Variants in CACNA1B observed in about 807,000 individuals in gnomAD.
CACNA1B encodes voltage-dependent N-type calcium channel subunit alpha-1B.
CACNA1B carries 70 observed loss-of-function variants against 247.2 expected under a neutral mutation model. That is an observed-to-expected ratio of 0.28 (90% CI 0.23 to 0.35). The LOEUF (loss-of-function observed/expected upper bound fraction) is 0.35. Among genes scored for constraint, CACNA1B ranks in the 10% least tolerant of loss-of-function variants. The probability of loss-of-function intolerance (pLI) is 1.00; values close to 1 mark genes in which losing one functional copy is unlikely to be tolerated. For missense variants in CACNA1B, 2,367 were observed against 3,197.4 expected (o/e 0.74, Z 6.26); for synonymous variants, 1,231 against 1,294.4 (o/e 0.95, Z 1.05).
At chr9:137,972,035 G>A (rs1958158003) in intron 11 of CACNA1B, among the ~76,000 whole-genome samples, 2 of 152,156 alleles carry the variant, frequency 1.3e-5, no homozygotes, top group Non-Finnish European at 2.9e-5. Context: ...CCTGAGGGGG[G>A]AGTCCTGGCT....
chr9:137,955,719 G>A lies in CACNA1B; in HGVS notation c.1092G>A (p.Glu364=), dbSNP rs201405274. 1.9e-6 allele frequency: 3 copies of A among 1,612,600 alleles called. No homozygotes were observed. Among genetic ancestry groups the A allele is most frequent in the Non-Finnish European group, 2.5e-6 (3 of 1,179,376 alleles). The change falls in exon 8 of 47, where the codon GAG becomes GAA. Residue 364 remains glutamate, a synonymous_variant. Transcript: ENST00000371372. This position sits in a 1 kb window ranked among gnomAD's most constrained non-coding sequence, Gnocchi z 6.9. Reference sequence around the variant, plus strand: ...GTAGGGAGTTTGCCAAGGAGCGAGAGAGGGTGGAGAACCGCCGCGCCTTCC... The same window carrying A: ...GTAGGGAGTTTGCCAAGGAGCGAGAAAGGGTGGAGAACCGCCGCGCCTTCC... ...VLSGEFAKER[E]RVENRRAFLK...
chr9:138,046,147 C>T (rs1292524174), intron 21 of CACNA1B, among the ~76,000 whole-genome samples: 1 of 152,196 alleles, frequency 6.6e-6, no homozygotes, highest in Admixed American at 6.5e-5. Context: ...TCGCTGCTTC[C>T]TGGTGTTTTG....
At position 138,052,263 on chromosome 9, in the gene CACNA1B, T is replaced by C; in HGVS notation, c.3807+75T>C. Reference sequence around the variant, plus strand: ...GTGTGTGTGTGCGTGTGTGTGTGTGTATGCATGCAGTGCATGAGTGTGTGT... The same window carrying C: ...GTGTGTGTGTGCGTGTGTGTGTGTGCATGCATGCAGTGCATGAGTGTGTGT... On this transcript the variant is annotated intron_variant, in intron 25 of 46. Transcript: ENST00000371372. The surrounding 1 kb of genome is among the most constrained non-coding windows in gnomAD (Gnocchi z 5.1). The C allele has an allele frequency of 1.2e-6, 1 of 812,994 alleles. No individual in the cohort carries two copies. The allele number at this position is 812,994 out of a possible 1,614,324, so 50.4% of individuals were successfully genotyped here.
chr9:137,996,487 A>G (rs1958502137), intron 15 of CACNA1B, among the ~76,000 whole-genome samples: 1 of 152,202 alleles, frequency 6.6e-6, no homozygotes, highest in South Asian at 2.1e-4. Context: ...TAAGAATGAT[A>G]CAATGGACTT....
chr9:137,898,424 T>C (rs1422706136), intron 3 of CACNA1B, among the ~76,000 whole-genome samples: 5 of 152,128 alleles, frequency 3.3e-5, no homozygotes, highest in Admixed American at 3.3e-4. Flanking sequence ...TTCATTCTCC[T>C]TTTTTTCTGG....
chr9:138,092,349 A>G (rs1271238161), intron 36 of CACNA1B, among the ~76,000 whole-genome samples: 2 of 152,190 alleles, frequency 1.3e-5, no homozygotes, highest in African/African-American at 4.8e-5. Context: ...ACCCCTGGGA[A>G]TGCATTCCTT....
intron 24 of CACNA1B, 35 bp downstream of exon 24, chr9:138,049,350 G>A: frequency 2.2e-6 from 3 of 1,333,392 alleles, no homozygotes; most frequent in African/African-American, 2.9e-5. Flanking sequence ...GCTAGGGAGA[G>A]CCCCCAGAAT....
rs1589129156 is a variant in CACNA1B, at chr9:138,102,233, G to A, written c.5223-478G>A. On this transcript the variant is annotated intron_variant, in intron 37 of 46. Transcript: ENST00000371372. This position sits in a 1 kb window ranked among gnomAD's most constrained non-coding sequence, Gnocchi z 5.4. ...GCCTCACTTGGAAGCAAATCTGACCGTGAGGAAAGCTGATGTCTCTGCCGT... is the reference window on the plus strand; with the variant it reads ...GCCTCACTTGGAAGCAAATCTGACCATGAGGAAAGCTGATGTCTCTGCCGT... Among the ~76,000 whole-genome samples the A allele has an allele frequency of 2.6e-5, 4 of 152,292 alleles. No individual in the cohort carries two copies. The highest frequency in any genetic ancestry group is 2.1e-4 in the South Asian group (1 of 4,824).
rs1959536293 is a variant in CACNA1B, at chr9:138,057,125, G to A, written c.3969-607G>A. The stretch of plus-strand genomic sequence containing the variant: ...TAATTATTTTTGTATTTTTAGTAGA[G>A]ACGGGGGTTCACCATGTTAGCCAGG... On this transcript the variant is annotated intron_variant, in intron 26 of 46. Coordinates refer to ENST00000371372, the MANE Select transcript of CACNA1B (RefSeq NM_000718.4). This position sits in a 1 kb window ranked among gnomAD's most constrained non-coding sequence, Gnocchi z 4.0. Among the ~76,000 whole-genome samples the A allele has an allele frequency of 6.6e-6, 1 of 151,944 alleles. No individual in the cohort carries two copies. The highest frequency in any genetic ancestry group is 1.5e-5 in the Non-Finnish European group (1 of 67,978).
rs746163681 is a variant in CACNA1B at position 138,120,664 on chromosome 9, C to T, written c.6272C>T (p.Pro2091Leu). 31 of 1,508,226 alleles carry T rather than the reference C, an allele frequency of 2.1e-5. No homozygotes were observed. The highest frequency in any genetic ancestry group is 7.3e-5 in the East Asian group (3 of 41,200). The allele number at this position is 1,508,226 out of a possible 1,614,324, so 93.4% of individuals were successfully genotyped here. ...AGTGCTGTGGGGCCGGGGCTGCCCCCGGGAGAGGGGCCTACAGGCTGCCGG... is the reference window on the plus strand; with the variant it reads ...AGTGCTGTGGGGCCGGGGCTGCCCCTGGGAGAGGGGCCTACAGGCTGCCGG... ...PSSAVGPGLP[P>L]GEGPTGCRRE... The change falls in exon 46 of 47, where the codon CCG becomes CTG. Residue 2091 changes from proline (P) to leucine (L), a missense_variant. By Grantham distance (98) the Pro-to-Leu change is moderately conservative. Coordinates refer to ENST00000371372, the MANE Select transcript of CACNA1B (RefSeq NM_000718.4).
rs546831294 is a variant in CACNA1B, at chr9:138,121,521, C to T, written c.6542C>T (p.Thr2181Ile). 4 of 1,572,872 alleles carry T rather than the reference C, an allele frequency of 2.5e-6. No homozygotes were observed. The highest frequency in any genetic ancestry group is 1.2e-5 in the South Asian group (1 of 84,114). Residue 2181 changes from threonine to isoleucine, a missense_variant, in exon 47 of 47, where the codon ACC becomes ATC. Physicochemically the swap from Thr to Ile is moderately conservative, Grantham distance 89. Transcript: ENST00000371372. The surrounding 1 kb of genome is among the most constrained non-coding windows in gnomAD (Gnocchi z 6.8). ...SPLLSTSGAS[T>I]PGRGGRRQLP... ...TTGCTGTCAACATCTGGTGCTAGCA[C>T]CCCCGGCCGCGGTGGGCGGAGGCAG...
intron 11 of CACNA1B, among the ~76,000 whole-genome samples, chr9:137,972,242 T>G (rs1958161802): frequency 6.7e-6 from 1 of 148,340 alleles, no homozygotes; most frequent in African/African-American, 2.5e-5. Context: ...AATACAGCAT[T>G]GCTCTGTGGT....
chr9:138,023,392 G>C lies in CACNA1B; in HGVS notation c.2649G>C (p.Glu883Asp). The C allele has an allele frequency of 5.1e-6, 7 of 1,363,156 alleles. No homozygotes were observed. Among genetic ancestry groups the C allele is most frequent in the Non-Finnish European group, 6.6e-6 (7 of 1,065,532 alleles). The allele number at this position is 1,363,156 out of a possible 1,614,324, so 84.4% of individuals were successfully genotyped here. ...KAESGEPGAR[E>D]ERPRPHRSHS... ...AGAGCGGGGAGCCCGGTGCCCGGGA[G>C]GAGCGGCCGCGGCCGCACCGCAGCC... Residue 883 changes from glutamate to aspartate, a missense_variant, in exon 19 of 47, where the codon GAG becomes GAC. Around this residue, in one of 12 missense-constraint regions of CACNA1B, gnomAD observed 631 missense variants for 631.1 expected, o/e 1.00. Coordinates refer to ENST00000371372, the MANE Select transcript of CACNA1B (RefSeq NM_000718.4).
chr9:137,923,773 A>C (rs1044917763), intron 6 of CACNA1B, among the ~76,000 whole-genome samples: 1 of 152,190 alleles, frequency 6.6e-6, no homozygotes, highest in Non-Finnish European at 1.5e-5. Flanking sequence ...TGGTGTGTGA[A>C]TAGTTCAGTT....
chr9:137,969,986 C>T (rs902532032), intron 10 of CACNA1B, among the ~76,000 whole-genome samples: 1 of 151,666 alleles, frequency 6.6e-6, no homozygotes, highest in African/African-American at 2.4e-5. Flanking sequence ...TACAAACACA[C>T]AGAAAATGCA....
At chr9:138,091,373 C>T (rs1960873428) in intron 36 of CACNA1B, among the ~76,000 whole-genome samples, 1 of 152,092 alleles carries the variant, frequency 6.6e-6, no homozygotes, top group Non-Finnish European at 1.5e-5. Flanking sequence ...ATAGTGGTTA[C>T]TAGAGGCAGG....
chr9:138,017,674 T>C (rs1405993070), intron 18 of CACNA1B, among the ~76,000 whole-genome samples: 1 of 152,202 alleles, frequency 6.6e-6, no homozygotes. Flanking sequence ...GAAGTCCTTG[T>C]TCTAGCAAGA....
At position 137,976,156 on chromosome 9, in the gene CACNA1B, G is replaced by A. The variant is rs955985114; in HGVS notation, c.1656+137G>A. The A allele has an allele frequency of 2.2e-5, 14 of 633,570 alleles. No homozygotes were observed. The African/African-American group carries it at 2.4e-4, about 11-fold the overall frequency. The allele number at this position is 633,570 out of a possible 1,614,324, so 39.2% of individuals were successfully genotyped here. A position where few individuals can be genotyped will look rare whatever the true frequency, so the allele number is the denominator to read the frequency against. ...GTCAGAAAGGCTGCCTGAAGACAGT[G>A]AGGAGCAGGGGGCTGGCAGCGGGAG... is the stretch of plus-strand genomic sequence containing the variant. On this transcript the variant is annotated intron_variant, in intron 12 of 46. Coordinates refer to ENST00000371372, the MANE Select transcript of CACNA1B (RefSeq NM_000718.4).
intron 15 of CACNA1B, among the ~76,000 whole-genome samples, chr9:137,995,755 G>A (rs1029550883): frequency 6.6e-6 from 1 of 152,190 alleles, no homozygotes; most frequent in African/African-American, 2.4e-5. Flanking sequence ...CAAAGTGGGA[G>A]AAAATTTTCA....
Sources: gnomAD v4.1 joint callset for allele counts (sites outside exome capture counted in the v4.1 genomes callset) on GRCh38, gnomAD v4.1.1 for gene constraint, gnomAD v4.1.1 regional missense constraint, Gnocchi (gnomAD v3.1) non-coding constraint, MANE v1.5 for transcripts, NCBI Gene and HGNC (gene_info 2026-07-23, HGNC 2026-07-21) for gene names.